MTFR1: variants seen among roughly 807,000 people sequenced by gnomAD.
MTFR1 encodes chondrocyte protein with a poly-proline region.
In MTFR1, 28 loss-of-function variants were observed where a neutral mutation model predicts 38.8. The ratio of observed to expected loss-of-function variants is 0.72; its 90% CI spans 0.53 to 0.99. The LOEUF is 0.99. Among genes scored for constraint, MTFR1 ranks in the 50% least tolerant of loss-of-function variants. MTFR1 has a pLI of 0.00. For synonymous variants in MTFR1, 145 were observed against 137.0 expected (o/e 1.06, Z -0.41); for missense variants, 358 against 395.5 (o/e 0.91, Z 0.81).
intron 1 of MTFR1, among the ~76,000 whole-genome samples, chr8:65,665,008 C>T (rs1470723348): frequency 6.8e-6 from 1 of 147,640 alleles, no homozygotes; most frequent in Non-Finnish European, 1.5e-5. Context: ...GATCTCGGCT[C>T]ACTGCAACCT....
intron 1 of MTFR1, among the ~76,000 whole-genome samples, chr8:65,662,874 A>C (rs140335061): frequency 0.19 from 27,960 of 148,156 alleles, 2,780 homozygotes; most frequent in Middle Eastern, 0.23. Context: ...GTTAGGCCCC[A>C]GCCCGGCCAG....
chr8:65,755,713 T>G lies in MTFR1; in HGVS notation c.*49-15234T>G, dbSNP rs145543836. Among the ~76,000 whole-genome samples, 276 of 152,372 alleles carry G rather than the reference T, an allele frequency of 1.8e-3. 1 individual carries two copies. Among genetic ancestry groups the G allele is most frequent in the African/African-American group, 6.4e-3 (268 of 41,588 alleles). The stretch of plus-strand genomic sequence containing the variant: ...ACTTGTGTAGTAACCTTTACCAGTG[T>G]TCTTTATTTCCTCTTATGGCTTTAG... On this transcript the variant is annotated intron_variant, in intron 3 of 3. Transcript: ENST00000521247.
chr8:65,698,727 C>T (rs79107685), intron 4 of MTFR1, among the ~76,000 whole-genome samples: 1 of 149,074 alleles, frequency 6.7e-6, no homozygotes, highest in African/African-American at 2.6e-5. Flanking sequence ...GTGTGTTGTT[C>T]CCTTCTTTTT....
At chr8:65,650,146 T>G (rs1809079823) in intron 1 of MTFR1, among the ~76,000 whole-genome samples, 1 of 151,738 alleles carries the variant, frequency 6.6e-6, no homozygotes, top group Non-Finnish European at 1.5e-5. Context: ...GCCTAATTTT[T>G]GTATTTTTAG....
chr8:65,668,875 T>G (rs1053692350), intron 1 of MTFR1, among the ~76,000 whole-genome samples: 3 of 152,188 alleles, frequency 2.0e-5, no homozygotes, highest in African/African-American at 7.2e-5. Flanking sequence ...GCAAACTCCT[T>G]TATCTTGTTA....
rs141353592 is a variant in MTFR1, at chr8:65,669,881, A to G, written c.-72A>G. On this transcript the variant is annotated 5_prime_UTR_variant, in exon 2 of 8. The change abolishes an upstream ATG in the 5' untranslated region. Transcript: ENST00000262146. Reference sequence around the variant, plus strand: ...GCATTTTAAATTTTCAGTGTGTTTTATGGACCATGTGCTGCTATGTATGCC... The same window carrying G: ...GCATTTTAAATTTTCAGTGTGTTTTGTGGACCATGTGCTGCTATGTATGCC... 491 of 1,189,502 alleles carry G rather than the reference A, an allele frequency of 4.1e-4. 2 individuals carry two copies. In the African/African-American group the frequency reaches 7.0e-3, roughly 17 times the overall value. 73.7% of individuals were successfully genotyped at this position (1,189,502 alleles called of 1,614,324 possible). A position where few individuals can be genotyped will look rare whatever the true frequency, so the allele number is the denominator to read the frequency against.
At chr8:65,724,648 T>C (rs909911165) in intron 3 of MTFR1, 46 of 786,098 alleles carry the variant, frequency 5.9e-5, no homozygotes, top group Non-Finnish European at 8.4e-5. Flanking sequence ...TGTGCGCTAA[T>C]TGAAGGAAAT....
At chr8:65,763,919 G>A (rs1808638018) in intron 3 of MTFR1, among the ~76,000 whole-genome samples, 2 of 152,164 alleles carry the variant, frequency 1.3e-5, no homozygotes, top group East Asian at 1.9e-4. Context: ...TTATGCTATC[G>A]AGTTAAGGAA....
At chr8:65,706,451 G>A (rs1471783029) in intron 5 of MTFR1, among the ~76,000 whole-genome samples, 3 of 152,044 alleles carry the variant, frequency 2.0e-5, no homozygotes, top group Non-Finnish European at 4.4e-5. Flanking sequence ...TAGAGACAGG[G>A]TTTCACTGTG....
chr8:65,719,708 A>C, intron 3 of MTFR1: 1 of 560,886 alleles, frequency 1.8e-6, no homozygotes, highest in Non-Finnish European at 3.2e-6. Flanking sequence ...TGGAAATTTG[A>C]GTAAAAGTGA....
At chr8:65,734,113 C>T (rs1191974346) in intron 3 of MTFR1, among the ~76,000 whole-genome samples, 1 of 152,188 alleles carries the variant, frequency 6.6e-6, no homozygotes, top group Non-Finnish European at 1.5e-5. Flanking sequence ...ACATTTAATA[C>T]CACGGATCCA....
At chr8:65,680,362 C>A (rs1345048107) in intron 2 of MTFR1, among the ~76,000 whole-genome samples, 1 of 152,070 alleles carries the variant, frequency 6.6e-6, no homozygotes, top group South Asian at 2.1e-4. Context: ...GGCGGTCTCA[C>A]AAAAAGACCC....
chr8:65,716,654 T>C (rs1231236372), intron 2 of MTFR1, among the ~76,000 whole-genome samples: 3 of 152,154 alleles, frequency 2.0e-5, no homozygotes, highest in African/African-American at 7.2e-5. Context: ...GAGAGAATAA[T>C]TGATAGTTAC....
Position 65,709,509 on chromosome 8 carries a change from A to T in MTFR1, c.*465A>T, listed in dbSNP as rs1030139649. The T allele has an allele frequency of 6.5e-6, 1 of 154,728 alleles. No homozygotes were observed. The highest frequency in any genetic ancestry group is 1.4e-5 in the Non-Finnish European group (1 of 69,556). The allele number at this position is 154,728 out of a possible 1,614,324, so 9.6% of individuals were successfully genotyped here. On this transcript the variant is annotated 3_prime_UTR_variant, in exon 8 of 8. Coordinates refer to ENST00000262146, the MANE Select transcript of MTFR1 (RefSeq NM_014637.4). ...GTTTTCAATGATCATTTAGCATTCAATGATGGAACAGCTGGTATAACATAA... is the reference window on the plus strand; with the variant it reads ...GTTTTCAATGATCATTTAGCATTCATTGATGGAACAGCTGGTATAACATAA...
At chr8:65,676,369 TTTTG>T (rs540741390) in intron 2 of MTFR1, among the ~76,000 whole-genome samples, 42 of 152,236 alleles carry the variant, frequency 2.8e-4, no homozygotes, top group African/African-American at 9.9e-4. Context: ...TTTTATTTAT[TTTTG>T]TTTGTTCTTT....
At chr8:65,728,372 C>A (rs913837220) in intron 3 of MTFR1, 6 of 152,136 alleles carry the variant, frequency 3.9e-5, no homozygotes, top group African/African-American at 1.4e-4. Flanking sequence ...ACGAATCAAT[C>A]ATCTCTTTCT....
chr8:65,648,166 G>A (rs949335188), intron 1 of MTFR1, among the ~76,000 whole-genome samples: 6 of 152,108 alleles, frequency 3.9e-5, no homozygotes, highest in Non-Finnish European at 5.9e-5. Context: ...ACAGGCGCCC[G>A]CCACTAAGCC....
intron 2 of MTFR1, chr8:65,679,567 G>A (rs1804815154): frequency 6.6e-6 from 1 of 152,242 alleles, no homozygotes; most frequent in African/African-American, 2.4e-5. Flanking sequence ...AGAGGTTGCA[G>A]GGAGCCGAGA....
chr8:65,776,679 T>C, the MTFR1 span, among the ~76,000 whole-genome samples: 1 of 152,214 alleles, frequency 6.6e-6, no homozygotes, highest in African/African-American at 2.4e-5. Context: ...AAATTATATA[T>C]TATGTTAATT....
Sources: allele counts gnomAD v4.1 joint callset (sites outside exome capture counted in the v4.1 genomes callset), GRCh38; gene constraint gnomAD v4.1.1; transcripts MANE v1.5; gene names NCBI Gene and HGNC (gene_info 2026-07-23, HGNC 2026-07-21).